TNKS: variants seen among roughly 807,000 people sequenced by gnomAD.
The protein encoded by TNKS is tankyrase.
TNKS carries 72 observed loss-of-function variants against 135.8 expected under a neutral mutation model. The ratio of observed to expected loss-of-function variants is 0.53; its 90% CI spans 0.44 to 0.64. The LOEUF (loss-of-function observed/expected upper bound fraction) is 0.64, where lower values mean the gene tolerates loss of function less well. Among genes scored for constraint, TNKS ranks in the 30% least tolerant of loss-of-function variants. TNKS has a pLI of 0.00. For missense variants in TNKS, 1,769 were observed against 1,674.0 expected, an observed-to-expected ratio of 1.06 and a Z score of -0.99; for synonymous variants, 849 against 649.3, an observed-to-expected ratio of 1.31 and a Z score of -4.68.
chr8:9,743,918 C>T (rs1355513746), intron 17 of TNKS, among the ~76,000 whole-genome samples: 1 of 152,106 alleles, frequency 6.6e-6, no homozygotes, highest in Non-Finnish European at 1.5e-5. Context: ...ATTGACTAGG[C>T]TGAGGATGAA....
chr8:9,656,569 G>T (rs1801378753), intron 3 of TNKS, among the ~76,000 whole-genome samples: 1 of 151,668 alleles, frequency 6.6e-6, no homozygotes, highest in African/African-American at 2.4e-5. Flanking sequence ...AGCCAGAAGA[G>T]AGTGGGGGCC....
chr8:9,698,374 G>GAAAAAAAAAAAAAAAAAAAAAAAAAAAA (rs34311181), intron 5 of TNKS, among the ~76,000 whole-genome samples: 13 of 98,766 alleles, frequency 1.3e-4, no homozygotes, highest in Admixed American at 2.9e-4. Context: ...ATTTTAAAAT[G>GAAAAAAAAAAAAAAAAAAAAAAAAAAAA]AAAAAAAAAA....
At chr8:9,744,308 TA>T (rs1467460028) in intron 17 of TNKS, among the ~76,000 whole-genome samples, 22 of 152,348 alleles carry the variant, frequency 1.4e-4, no homozygotes, top group African/African-American at 4.8e-4. Flanking sequence ...CATGTAAATT[TA>T]TATCTTATAA....
intron 3 of TNKS, among the ~76,000 whole-genome samples, chr8:9,662,295 T>G (rs543368524): frequency 6.6e-6 from 1 of 151,972 alleles, no homozygotes; most frequent in Admixed American, 6.5e-5. Flanking sequence ...CACATGCACA[T>G]GTATGTTTAT....
intron 9 of TNKS, among the ~76,000 whole-genome samples, 156 bp from the exon 10 acceptor site, chr8:9,709,795 TAGAA>T (rs1804231177): frequency 6.6e-6 from 1 of 152,216 alleles, no homozygotes; most frequent in African/African-American, 2.4e-5. Flanking sequence ...CCACTATACG[TAGAA>T]AGAATATGGA....
intron 3 of TNKS, among the ~76,000 whole-genome samples, chr8:9,673,013 C>T (rs530548736): frequency 6.6e-6 from 1 of 152,294 alleles, no homozygotes; most frequent in African/African-American, 2.4e-5. Context: ...TAGAGGAACA[C>T]CTCTTTTACC....
intron 3 of TNKS, among the ~76,000 whole-genome samples, chr8:9,621,359 C>A (rs1225994029): frequency 6.7e-6 from 1 of 148,930 alleles, no homozygotes; most frequent in Non-Finnish European, 1.5e-5. Context: ...GGCTGGAGTA[C>A]AATGGTGCAG....
In TNKS at chr8:9,660,907, A is replaced by G. The variant is rs533171387; in HGVS notation, c.995-19044A>G. ...AGCAAAGTCTCAGGATACAAAATCA[A>G]TGTGCAAAAATCACAGGCATTCTTA... On this transcript the variant is annotated intron_variant, in intron 3 of 26. Coordinates refer to ENST00000310430, the MANE Select transcript of TNKS (RefSeq NM_003747.3). 7.6e-4 allele frequency among the ~76,000 whole-genome samples: 115 copies of G among 151,884 alleles called. 2 individuals carry two copies. The East Asian group carries it at 0.02, about 26-fold the overall frequency.
intron 25 of TNKS, among the ~76,000 whole-genome samples, chr8:9,769,312 T>C (rs1055629133): frequency 1.3e-5 from 2 of 152,204 alleles, no homozygotes; most frequent in Admixed American, 6.5e-5. Flanking sequence ...TCCCAGTCAG[T>C]CTTTCTTACT....
chr8:9,622,325 A>C (rs1275887336), intron 3 of TNKS, among the ~76,000 whole-genome samples: 2 of 152,252 alleles, frequency 1.3e-5, no homozygotes, highest in African/African-American at 2.4e-5. Context: ...TGCAGCAAGC[A>C]AACAACTTAG....
chr8:9,720,009 C>A (rs1267405917), intron 11 of TNKS, among the ~76,000 whole-genome samples: 1 of 152,114 alleles, frequency 6.6e-6, no homozygotes, highest in Non-Finnish European at 1.5e-5. Context: ...TGGTAAAAAT[C>A]CATTCATTCA....
intron 1 of TNKS, among the ~76,000 whole-genome samples, chr8:9,562,247 G>C (rs552914123): frequency 1.7e-4 from 26 of 151,966 alleles, no homozygotes; most frequent in African/African-American, 5.5e-4. Context: ...CTAGTGCTTT[G>C]TGGGATAAAT....
chr8:9,696,491 AAAC>A (rs1405859481), intron 5 of TNKS, among the ~76,000 whole-genome samples: 3 of 152,190 alleles, frequency 2.0e-5, no homozygotes, highest in Non-Finnish European at 4.4e-5. Context: ...TAGGGAAAAA[AAAC>A]AAGTCAAACT....
chr8:9,600,151 T>C (rs780366399), intron 2 of TNKS, among the ~76,000 whole-genome samples: 16 of 152,156 alleles, frequency 1.1e-4, no homozygotes, highest in Non-Finnish European at 2.2e-4. Flanking sequence ...ATTGCTAGGG[T>C]CCCACAAGTA....
In TNKS at chr8:9,560,493, C is replaced by CTTTTTTTTTTTTTTTT. The variant is rs535715245; in HGVS notation, c.673+3896_673+3911dup. On this transcript the variant is annotated intron_variant, in intron 1 of 26. Transcript: ENST00000310430. ...GATTTTTCAGCATGGCCATACTTGT[C>CTTTTTTTTTTTTTTTT]TTTTTTTTTTTTTTTTTTTTTTTTT... 3.8e-4 allele frequency among the ~76,000 whole-genome samples: 16 copies of CTTTTTTTTTTTTTTTT among 42,286 alleles called. 1 individual carries two copies. Among genetic ancestry groups the CTTTTTTTTTTTTTTTT allele is most frequent in the African/African-American group, 8.5e-4 (7 of 8,280 alleles). 27.7% of individuals were successfully genotyped at this position (42,286 alleles called of 152,430 possible).
chr8:9,765,949 C>T (rs1485673533), intron 24 of TNKS, 152 bp downstream of exon 24: 1 of 660,272 alleles, frequency 1.5e-6, no homozygotes, highest in Non-Finnish European at 2.5e-6. Flanking sequence ...TTGGTACCAG[C>T]TTTCTAATGT....
chr8:9,705,849 G>T (rs960550259), intron 6 of TNKS, among the ~76,000 whole-genome samples: 20 of 152,156 alleles, frequency 1.3e-4, no homozygotes, highest in African/African-American at 4.3e-4. Flanking sequence ...AATTAAAATG[G>T]TGGAATATTT....
At chr8:9,653,609 C>T (rs1403250676) in intron 3 of TNKS, among the ~76,000 whole-genome samples, 1 of 151,928 alleles carries the variant, frequency 6.6e-6, no homozygotes, top group African/African-American at 2.4e-5. Flanking sequence ...AAATTCAGTC[C>T]CATGAGGGAG....
Position 9,778,384 on chromosome 8 carries a change from C to A in TNKS, c.*1648C>A, listed in dbSNP as rs1808321021. 6.6e-6 allele frequency: 1 copy of A among 152,472 alleles called. No homozygotes were observed. The highest frequency in any genetic ancestry group is 2.4e-5 in the African/African-American group (1 of 41,434). The allele number at this position is 152,472 out of a possible 1,614,324, so 9.4% of individuals were successfully genotyped here. A position where few individuals can be genotyped will look rare whatever the true frequency, so the allele number is the denominator to read the frequency against. On this transcript the variant is annotated 3_prime_UTR_variant, in exon 27 of 27. Coordinates refer to ENST00000310430, the MANE Select transcript of TNKS (RefSeq NM_003747.3). ...ATTAAGCTGTGACCTCCTTTAATCT[C>A]CTGAAGCAAAATAAAATGGTTACAT...
Sources: allele counts gnomAD v4.1 joint callset (sites outside exome capture counted in the v4.1 genomes callset), GRCh38; gene constraint gnomAD v4.1.1; transcripts MANE v1.5; gene names NCBI Gene and HGNC (gene_info 2026-07-23, HGNC 2026-07-21).